Variants in PTPRG observed in about 807,000 individuals in gnomAD.
PTPRG encodes the protein receptor-type tyrosine-protein phosphatase gamma.
A neutral mutation model predicts 165.3 loss-of-function variants in PTPRG; 102 were observed. The ratio of observed to expected loss-of-function variants is 0.62; its 90% CI spans 0.53 to 0.73. The LOEUF (loss-of-function observed/expected upper bound fraction) is 0.73. Ranked by LOEUF, PTPRG falls within the 30% of genes least tolerant of loss-of-function variation. The probability of loss-of-function intolerance (pLI) is 0.00; values close to 1 mark genes in which losing one functional copy is unlikely to be tolerated. For synonymous variants in PTPRG, 675 were observed against 669.5 expected (o/e 1.01, Z -0.13); for missense variants, 1,866 against 1,861.4 (o/e 1.00, Z -0.05).
intron 2 of PTPRG, chr3:61,749,928 C>T (rs1213987517): frequency 6.6e-6 from 1 of 152,184 alleles, no homozygotes; most frequent in African/African-American, 2.4e-5. Context: ...CTGAATTTCT[C>T]CCAGCAAATC....
chr3:61,992,956 C>T (rs1240113610), intron 3 of PTPRG, among the ~76,000 whole-genome samples: 1 of 152,178 alleles, frequency 6.6e-6, no homozygotes, highest in Non-Finnish European at 1.5e-5. Flanking sequence ...CATGAGCCAC[C>T]ATGCTTGGCT....
At chr3:61,651,337 G>A (rs4688650) in intron 1 of PTPRG, among the ~76,000 whole-genome samples, 148,694 of 151,972 alleles carry the variant, frequency 0.98, 72,825 homozygotes, top group East Asian at 1. Context: ...AAAAGTTGTC[G>A]TTGACATTTT....
At chr3:62,266,199 G>A (rs1484317322) in intron 17 of PTPRG, among the ~76,000 whole-genome samples, 1 of 151,896 alleles carries the variant, frequency 6.6e-6, no homozygotes, top group African/African-American at 2.4e-5. Context: ...TGTTCTCTTG[G>A]CCACTCAGAT....
chr3:61,588,925 G>T (rs929755477), intron 1 of PTPRG, among the ~76,000 whole-genome samples: 4 of 152,160 alleles, frequency 2.6e-5, no homozygotes, highest in Non-Finnish European at 5.9e-5. Flanking sequence ...CAGGGAGGAA[G>T]AATTCATAGC....
chr3:61,722,933 G>A (rs1027161856), intron 1 of PTPRG, among the ~76,000 whole-genome samples: 1 of 151,886 alleles, frequency 6.6e-6, no homozygotes, highest in Non-Finnish European at 1.5e-5. Flanking sequence ...TGATTTGAGA[G>A]ATACAAGTGG....
At chr3:61,622,186 C>T (rs12634898) in intron 1 of PTPRG, among the ~76,000 whole-genome samples, 1 of 152,204 alleles carries the variant, frequency 6.6e-6, no homozygotes, top group East Asian at 1.9e-4. Context: ...TCTTGCCTCC[C>T]TCTCCAACAC....
At chr3:61,909,406 A>G (rs1416836666) in intron 2 of PTPRG, among the ~76,000 whole-genome samples, 2 of 152,098 alleles carry the variant, frequency 1.3e-5, no homozygotes, top group African/African-American at 4.8e-5. Flanking sequence ...TTAGAGTGCA[A>G]TGCTGTGATC....
In PTPRG at chr3:62,136,861, T is replaced by A. The variant is rs145899602; in HGVS notation, c.682+4193T>A. On this transcript the variant is annotated intron_variant, in intron 6 of 29. Coordinates refer to ENST00000474889, the MANE Select transcript of PTPRG (RefSeq NM_002841.4). ...TCTCTTTCTTTTGTAAACTGCCCAG[T>A]CTTGGGCATGTCTTTATGTGCAGCG... Among the ~76,000 whole-genome samples, 393 of 152,258 alleles carry A rather than the reference T, an allele frequency of 2.6e-3. 1 individual carries two copies. The Middle Eastern group carries it at 0.065, about 25-fold the overall frequency.
At chr3:62,201,451 G>C in intron 10 of PTPRG, 54 bp from the exon 11 acceptor site, 1 of 1,416,242 alleles carries the variant, frequency 7.1e-7, no homozygotes, top group Non-Finnish European at 9.8e-7. Context: ...GGAATATCTT[G>C]TTAGAGCCAC....
intron 13 of PTPRG, among the ~76,000 whole-genome samples, chr3:62,226,017 C>G (rs1039586310): frequency 1.3e-5 from 2 of 152,152 alleles, no homozygotes; most frequent in African/African-American, 4.8e-5. Flanking sequence ...TATACCCCCA[C>G]CTAATTAGTA....
chr3:62,157,024 T>C (rs1401573218), intron 6 of PTPRG, 43 bp from the exon 7 acceptor site: 6 of 1,526,682 alleles, frequency 3.9e-6, no homozygotes, highest in Non-Finnish European at 5.4e-6. Context: ...CGGAATGGCA[T>C]GACTTACCAT....
rs1704351383 is a variant in PTPRG, at chr3:62,151,928, T to C, written c.683-5139T>C. ...GAACCTCCTTGTAATGTCAGTGTTA[T>C]TATCCCATTTTACAGATGAGGAAAC... On this transcript the variant is annotated intron_variant, in intron 6 of 29. Transcript: ENST00000474889. Among the ~76,000 whole-genome samples the C allele has an allele frequency of 2.6e-5, 4 of 152,194 alleles. No individual in the cohort carries two copies. In the South Asian group the frequency reaches 8.3e-4, roughly 32 times the overall value.
chr3:61,871,028 G>C (rs1281111597), intron 2 of PTPRG, among the ~76,000 whole-genome samples: 1 of 151,936 alleles, frequency 6.6e-6, no homozygotes, highest in Non-Finnish European at 1.5e-5. Context: ...CTGTGCCTCA[G>C]TTTCTTTTTT....
chr3:61,835,871 T>C (rs1423499118), intron 2 of PTPRG, among the ~76,000 whole-genome samples: 1 of 151,488 alleles, frequency 6.6e-6, no homozygotes, highest in Non-Finnish European at 1.5e-5. Context: ...TGAAACCCCA[T>C]CTCTGTTAAA....
At chr3:61,664,142 C>G (rs1702743671) in intron 1 of PTPRG, among the ~76,000 whole-genome samples, 2 of 152,162 alleles carry the variant, frequency 1.3e-5, no homozygotes, top group Admixed American at 1.3e-4. Context: ...GTGATGAATT[C>G]AAGAAGTGAA....
chr3:61,594,607 G>A (rs914591237), intron 1 of PTPRG, among the ~76,000 whole-genome samples: 7 of 152,154 alleles, frequency 4.6e-5, no homozygotes, highest in African/African-American at 7.2e-5. Context: ...ATGATGTTTT[G>A]TGTGTTGTTA....
At chr3:61,948,766 T>G (rs2039826089) in intron 2 of PTPRG, among the ~76,000 whole-genome samples, 1 of 152,138 alleles carries the variant, frequency 6.6e-6, no homozygotes, top group Non-Finnish European at 1.5e-5. Flanking sequence ...TAAAGAGCCT[T>G]TTTGTTAATT....
At chr3:61,618,196 T>TA (rs1363495580) in intron 1 of PTPRG, among the ~76,000 whole-genome samples, 1 of 152,190 alleles carries the variant, frequency 6.6e-6, no homozygotes, top group South Asian at 2.1e-4. Flanking sequence ...ATGGCAGGCT[T>TA]AAAAAAATCC....
At chr3:61,748,720 C>A (rs576867663) in intron 1 of PTPRG, among the ~76,000 whole-genome samples, 158 bp from the exon 2 acceptor site, 9 of 112,940 alleles carry the variant, frequency 8.0e-5, no homozygotes, top group African/African-American at 3.0e-4. Flanking sequence ...TCTGGACTTT[C>A]CTATAGTTTT....
Sources: allele counts gnomAD v4.1 joint callset (sites outside exome capture counted in the v4.1 genomes callset), GRCh38; gene constraint gnomAD v4.1.1; transcripts MANE v1.5; gene names NCBI Gene and HGNC (gene_info 2026-07-23, HGNC 2026-07-21).